APBA2: variants seen among roughly 807,000 people sequenced by gnomAD.
APBA2 encodes the protein amyloid beta precursor protein binding family A member 2, also known as amyloid-beta A4 precursor protein-binding family A member 2.
In APBA2, 30 loss-of-function variants were observed where a neutral mutation model predicts 75.0. The observed-to-expected ratio is 0.40, with a 90% CI of 0.30 to 0.54. APBA2 has a LOEUF of 0.54. APBA2 is among the 20% of genes least tolerant of loss of function. APBA2 has a pLI of 0.49. For missense variants in APBA2, 801 were observed against 1,016.1 expected (o/e 0.79, Z 2.88); for synonymous variants, 444 against 409.6 (o/e 1.08, Z -1.01).
At chr15:28,943,956 C>A (rs2035389440) in intron 2 of APBA2, among the ~76,000 whole-genome samples, 1 of 152,138 alleles carries the variant, frequency 6.6e-6, no homozygotes, top group South Asian at 2.1e-4. Flanking sequence ...CTGCCGTGGC[C>A]CCCATGCTCC....
chr15:29,072,672 C>G (rs927594320), intron 4 of APBA2, among the ~76,000 whole-genome samples: 1 of 152,096 alleles, frequency 6.6e-6, no homozygotes, highest in Non-Finnish European at 1.5e-5. Flanking sequence ...GGTTTTGCTC[C>G]TGGGATGCTA....
chr15:28,919,957 C>T (rs1443562438), intron 1 of APBA2, among the ~76,000 whole-genome samples: 3 of 152,286 alleles, frequency 2.0e-5, no homozygotes, highest in East Asian at 1.9e-4. Context: ...ACTCCCAGCC[C>T]GATGCTCCCT....
intron 3 of APBA2, among the ~76,000 whole-genome samples, chr15:29,017,381 C>T (rs1470844189): frequency 2.8e-5 from 4 of 142,856 alleles, no homozygotes; most frequent in Admixed American, 1.4e-4. Context: ...ATTTTTCCAT[C>T]TTCTTTTCTT....
At chr15:29,035,584 T>G (rs576694997) in intron 3 of APBA2, among the ~76,000 whole-genome samples, 1 of 152,312 alleles carries the variant, frequency 6.6e-6, no homozygotes, top group Admixed American at 6.5e-5. Flanking sequence ...GCTGCTAATG[T>G]GTTTTTCTGG....
At chr15:28,903,126 T>A (rs36181174) in intron 1 of APBA2, among the ~76,000 whole-genome samples, 4,316 of 152,158 alleles carry the variant, frequency 0.028, 168 homozygotes, top group African/African-American at 0.083. Flanking sequence ...GTTCCATGGG[T>A]CTGATGATGC....
intron 3 of APBA2, among the ~76,000 whole-genome samples, chr15:29,030,006 C>T (rs911903804): frequency 6.6e-6 from 1 of 152,190 alleles, no homozygotes; most frequent in African/African-American, 2.4e-5. Flanking sequence ...CCATGTGGAG[C>T]TCTGGGTTCG....
chr15:29,038,506 A>G (rs1566934001), intron 3 of APBA2, among the ~76,000 whole-genome samples: 2 of 151,810 alleles, frequency 1.3e-5, no homozygotes, highest in Admixed American at 1.3e-4. Flanking sequence ...GCACTTTGCA[A>G]CTCTGACAGT....
intron 4 of APBA2, among the ~76,000 whole-genome samples, chr15:29,072,438 C>T (rs985907248): frequency 4.6e-5 from 7 of 152,168 alleles, no homozygotes; most frequent in African/African-American, 1.7e-4. Context: ...GCATCTGAGG[C>T]GAGATTCTCT....
At chr15:28,965,471 C>G (rs779274232) in intron 2 of APBA2, among the ~76,000 whole-genome samples, 2 of 152,142 alleles carry the variant, frequency 1.3e-5, no homozygotes, top group Non-Finnish European at 1.5e-5. Flanking sequence ...TTTTCTCTTT[C>G]TAATAAATTT....
chr15:29,001,111 T>C (rs1368205767), intron 3 of APBA2, among the ~76,000 whole-genome samples: 1 of 152,204 alleles, frequency 6.6e-6, no homozygotes, highest in Non-Finnish European at 1.5e-5. Context: ...TTTGCAGGCC[T>C]GCTTGTCCCA....
intron 8 of APBA2, 54 bp from the exon 9 acceptor site, chr15:29,098,436 T>C: frequency 2.4e-6 from 3 of 1,244,360 alleles, no homozygotes; most frequent in Non-Finnish European, 3.6e-6. Context: ...TATTTGCATG[T>C]CCTCTATTCC....
Position 29,118,152 on chromosome 15 carries a change from T to C in APBA2, c.*1019T>C, listed in dbSNP as rs968676807. 6.6e-6 allele frequency: 1 copy of C among 152,636 alleles called. No individual in the cohort carries two copies. Among genetic ancestry groups the C allele is most frequent in the Non-Finnish European group, 1.5e-5 (1 of 68,040 alleles). The allele number at this position is 152,636 out of a possible 1,614,324, so 9.5% of individuals were successfully genotyped here. On this transcript the variant is annotated 3_prime_UTR_variant, in exon 15 of 15. Coordinates refer to ENST00000683413, the MANE Select transcript of APBA2 (RefSeq NM_001353788.2). The stretch of plus-strand genomic sequence containing the variant: ...ACGTCATCTTGTCTCGAAGTCTCTT[T>C]TTTTGGCCCAGGCCTTGAAGAATAC...
chr15:28,988,339 C>T (rs12101463), intron 2 of APBA2, among the ~76,000 whole-genome samples: 19,907 of 151,182 alleles, frequency 0.13, 4,094 homozygotes, highest in African/African-American at 0.44. Flanking sequence ...TCTCGGCTCA[C>T]GGCAAGCTCC....
At chr15:28,903,471 G>T (rs1566785286) in intron 1 of APBA2, among the ~76,000 whole-genome samples, 1 of 152,208 alleles carries the variant, frequency 6.6e-6, no homozygotes, top group Non-Finnish European at 1.5e-5. Flanking sequence ...CAGAAAAACA[G>T]CCCTGGCCAC....
intron 1 of APBA2, among the ~76,000 whole-genome samples, chr15:28,906,100 A>T (rs1277670153): frequency 6.6e-6 from 1 of 152,096 alleles, no homozygotes; most frequent in Admixed American, 6.5e-5. Flanking sequence ...ACAAAATGAG[A>T]TCCTATTGTA....
At chr15:28,964,808 T>C (rs2036653921) in intron 2 of APBA2, among the ~76,000 whole-genome samples, 1 of 151,290 alleles carries the variant, frequency 6.6e-6, no homozygotes, top group Admixed American at 6.6e-5. Context: ...CATTTTCTAA[T>C]TAGATTTTTT....
chr15:28,909,218 C>T (rs1194050884), intron 1 of APBA2, among the ~76,000 whole-genome samples: 4 of 152,036 alleles, frequency 2.6e-5, no homozygotes, highest in Non-Finnish European at 5.9e-5. Context: ...TCTCAATCTC[C>T]TGACCTCGTG....
rs145622252 is a variant in APBA2 at position 28,912,945 on chromosome 15, T to C, written c.-204-8695T>C. Among the ~76,000 whole-genome samples the C allele has an allele frequency of 5.3e-5, 8 of 152,356 alleles. No individual in the cohort carries two copies. The East Asian group carries it at 1.5e-3, about 29-fold the overall frequency. On this transcript the variant is annotated intron_variant, in intron 1 of 14. Coordinates refer to ENST00000683413, the MANE Select transcript of APBA2 (RefSeq NM_001353788.2). The stretch of plus-strand genomic sequence containing the variant: ...GCAAATACCTGTTGAATACCTGCTG[T>C]GTGCTAGGCACTGCGGTGGGCGAGC...
intron 6 of APBA2, among the ~76,000 whole-genome samples, chr15:29,083,345 G>A (rs1431621441): frequency 6.6e-6 from 1 of 152,064 alleles, no homozygotes; most frequent in Non-Finnish European, 1.5e-5. Context: ...GGTCCATTCA[G>A]GTTCCAGATC....
Sources: gnomAD v4.1 joint callset for allele counts (sites outside exome capture counted in the v4.1 genomes callset) on GRCh38, gnomAD v4.1.1 for gene constraint, MANE v1.5 for transcripts, NCBI Gene and HGNC (gene_info 2026-07-23, HGNC 2026-07-21) for gene names.